The following SERINC5 variants were observed in gnomAD, a reference collection of about 807,000 sequenced individuals.
SERINC5 encodes the protein chromosome 5 open reading frame 12.
SERINC5 carries 41 observed loss-of-function variants against 63.1 expected under a neutral mutation model. The observed-to-expected ratio is 0.65, with a 90% CI of 0.51 to 0.84. The LOEUF (loss-of-function observed/expected upper bound fraction) is 0.84, where lower values mean the gene tolerates loss of function less well. SERINC5 is among the 40% of genes least tolerant of loss of function. The pLI, the probability that SERINC5 is intolerant of heterozygous loss-of-function variation, is 0.00. For missense variants in SERINC5, 523 were observed against 573.0 expected, an observed-to-expected ratio of 0.91 and a Z score of 0.89; for synonymous variants, 222 against 215.2, an observed-to-expected ratio of 1.03 and a Z score of -0.28.
At chr5:80,153,019 G>A (rs1746285837) in intron 8 of SERINC5, among the ~76,000 whole-genome samples, 1 of 152,166 alleles carries the variant, frequency 6.6e-6, no homozygotes, top group Admixed American at 6.5e-5. Flanking sequence ...GGAAAACAAA[G>A]CTCTTGATTT....
chr5:80,225,509 T>G (rs919938973), intron 1 of SERINC5, among the ~76,000 whole-genome samples: 1 of 152,176 alleles, frequency 6.6e-6, no homozygotes, highest in African/African-American at 2.4e-5. Flanking sequence ...ATTCCCAACA[T>G]AGAGACAAAT....
In SERINC5 at chr5:80,139,435, T is replaced by C. The variant is rs1428217143; in HGVS notation, c.*4228A>G. On this transcript the variant is annotated 3_prime_UTR_variant, in exon 12 of 12. Transcript: ENST00000507668. ...TCATGTGAATATGATTAAACTCCTA[T>C]AGAAGTGGATTGGGACATATGCATT... is the stretch of plus-strand genomic sequence containing the variant. 2.0e-6 allele frequency: 2 copies of C among 985,168 alleles called. No individual in the cohort carries two copies. Among genetic ancestry groups the C allele is most frequent in the East Asian group, 1.1e-4 (1 of 8,826 alleles). The allele number at this position is 985,168 out of a possible 1,614,324, so 61.0% of individuals were successfully genotyped here.
At chr5:80,189,973 C>T (rs995855696) in intron 2 of SERINC5, among the ~76,000 whole-genome samples, 3 of 152,042 alleles carry the variant, frequency 2.0e-5, no homozygotes, top group African/African-American at 7.2e-5. Context: ...AGCATCCCCA[C>T]ACTGCTGGGA....
At chr5:80,152,898 C>T (rs549400275) in intron 8 of SERINC5, among the ~76,000 whole-genome samples, 1 of 152,260 alleles carries the variant, frequency 6.6e-6, no homozygotes, top group Admixed American at 6.5e-5. Flanking sequence ...GCTGAGATCA[C>T]GCTACTGTAC....
At chr5:80,216,291 T>C (rs1041954496) in intron 1 of SERINC5, among the ~76,000 whole-genome samples, 19 of 151,746 alleles carry the variant, frequency 1.3e-4, no homozygotes, top group Non-Finnish European at 2.6e-4. Flanking sequence ...CAGTCACAAC[T>C]CCCCCTCTCC....
intron 1 of SERINC5, among the ~76,000 whole-genome samples, chr5:80,250,340 C>G (rs1752352217): frequency 6.6e-6 from 1 of 151,862 alleles, no homozygotes; most frequent in African/African-American, 2.4e-5. Flanking sequence ...GGGGAAACAT[C>G]ATCATTATTA....
Position 80,140,826 on chromosome 5 carries a change from T to C in SERINC5, c.*2837A>G. On this transcript the variant is annotated 3_prime_UTR_variant, in exon 12 of 12. Coordinates refer to ENST00000507668, the MANE Select transcript of SERINC5 (RefSeq NM_001174072.3). ...CAGAGGAAATATTCACATGCAGCTT[T>C]AAAAAAGTCCTCTTCAACTGTCATC... 1 of 985,348 alleles carries C rather than the reference T, an allele frequency of 1.0e-6. No homozygotes were observed. Among genetic ancestry groups the C allele is most frequent in the Non-Finnish European group, 1.2e-6 (1 of 829,934 alleles). The allele number at this position is 985,348 out of a possible 1,614,324, so 61.0% of individuals were successfully genotyped here.
chr5:80,142,478 C>T lies in SERINC5; in HGVS notation c.*1185G>A. 1 of 984,792 alleles carries T rather than the reference C, an allele frequency of 1.0e-6. No individual in the cohort carries two copies. Among genetic ancestry groups the T allele is most frequent in the African/African-American group, 1.7e-5 (1 of 57,322 alleles). 61.0% of individuals were successfully genotyped at this position (984,792 alleles called of 1,614,324 possible). A position where few individuals can be genotyped will look rare whatever the true frequency, so the allele number is the denominator to read the frequency against. ...GCAACTCCTGACCTCAAGTGATCCG[C>T]CTGCCTCTGCGCACCTCTTTTTAAG... is the stretch of plus-strand genomic sequence containing the variant. On this transcript the variant is annotated 3_prime_UTR_variant, in exon 12 of 12. Coordinates refer to ENST00000507668, the MANE Select transcript of SERINC5 (RefSeq NM_001174072.3).
intron 1 of SERINC5, among the ~76,000 whole-genome samples, chr5:80,211,756 C>T (rs971756676): frequency 6.6e-6 from 1 of 152,226 alleles, no homozygotes; most frequent in African/African-American, 2.4e-5. Context: ...GCATGGTCTA[C>T]GTTCTGCATG....
Position 80,157,298 on chromosome 5 carries a change from CA to C in SERINC5, c.986+1537del, listed in dbSNP as rs1746602205. 6 of 149,986 alleles carry C rather than the reference CA, an allele frequency of 4.0e-5. No homozygotes were observed. The South Asian group carries it at 1.3e-3, about 31-fold the overall frequency. 9.3% of individuals were successfully genotyped at this position (149,986 alleles called of 1,614,324 possible). The stretch of plus-strand genomic sequence containing the variant: ...GTGAGCCACCGCGCCTGGCCAAGGG[CA>C]AATATTTTTTTTCATTGGGTACCCA... On this transcript the variant is annotated intron_variant, in intron 8 of 11. Coordinates refer to ENST00000507668, the MANE Select transcript of SERINC5 (RefSeq NM_001174072.3).
chr5:80,185,169 G>A (rs1321424136), intron 2 of SERINC5, among the ~76,000 whole-genome samples: 1 of 152,156 alleles, frequency 6.6e-6, no homozygotes, highest in Non-Finnish European at 1.5e-5. Flanking sequence ...GCCACCGCAT[G>A]CAGGCTGTAT....
At chr5:80,202,239 G>C (rs995237914) in intron 2 of SERINC5, among the ~76,000 whole-genome samples, 1 of 151,404 alleles carries the variant, frequency 6.6e-6, no homozygotes, top group Admixed American at 6.6e-5. Flanking sequence ...ACTCTGTCTC[G>C]AAAAAAAAGA....
intron 1 of SERINC5, among the ~76,000 whole-genome samples, chr5:80,251,295 CAT>C (rs1271778435): frequency 1.4e-4 from 7 of 49,906 alleles, no homozygotes; most frequent in African/African-American, 4.6e-4. Flanking sequence ...TACATGCATA[CAT>C]ACATACATAC....
chr5:80,149,733 G>T (rs1324229110), intron 9 of SERINC5, among the ~76,000 whole-genome samples: 1 of 152,218 alleles, frequency 6.6e-6, no homozygotes, highest in African/African-American at 2.4e-5. Context: ...GCACGTCACT[G>T]GGTTTTTATG....
intron 1 of SERINC5, among the ~76,000 whole-genome samples, chr5:80,228,738 A>G (rs1248037893): frequency 1.3e-5 from 2 of 152,114 alleles, no homozygotes; most frequent in East Asian, 3.9e-4. Flanking sequence ...CAGGACAAAA[A>G]TTTTAAGTTG....
At chr5:80,224,252 G>A (rs1316310216) in intron 1 of SERINC5, among the ~76,000 whole-genome samples, 1 of 152,062 alleles carries the variant, frequency 6.6e-6, no homozygotes, top group Non-Finnish European at 1.5e-5. Flanking sequence ...CTTGAGTCCA[G>A]GAGTTTGAGA....
At chr5:80,173,763 T>C (rs566590068) in intron 5 of SERINC5, among the ~76,000 whole-genome samples, 1 of 152,018 alleles carries the variant, frequency 6.6e-6, no homozygotes, top group Non-Finnish European at 1.5e-5. Context: ...CTCACCTGGA[T>C]TGACTCCCCC....
At chr5:80,193,185 T>C (rs1749304018) in intron 2 of SERINC5, among the ~76,000 whole-genome samples, 6 of 152,216 alleles carry the variant, frequency 3.9e-5, no homozygotes. Flanking sequence ...AGTCACAGAA[T>C]CATCCTATTA....
rs1428804468 is a variant in SERINC5 at position 80,141,563 on chromosome 5, A to G, written c.*2100T>C. The G allele has an allele frequency of 1.0e-6, 1 of 985,362 alleles. No individual in the cohort carries two copies. Among genetic ancestry groups the G allele is most frequent in the Non-Finnish European group, 1.2e-6 (1 of 830,012 alleles). 61.0% of individuals were successfully genotyped at this position (985,362 alleles called of 1,614,324 possible). A position where few individuals can be genotyped will look rare whatever the true frequency, so the allele number is the denominator to read the frequency against. Reference sequence around the variant, plus strand: ...GGAGGAAAACAATGAAACTAGTCACAATACTGCCCAGGCTCTTTACCTGCT... The same window carrying G: ...GGAGGAAAACAATGAAACTAGTCACGATACTGCCCAGGCTCTTTACCTGCT... On this transcript the variant is annotated 3_prime_UTR_variant, in exon 12 of 12. Coordinates refer to ENST00000507668, the MANE Select transcript of SERINC5 (RefSeq NM_001174072.3).
Sources: gnomAD v4.1 joint callset for allele counts (sites outside exome capture counted in the v4.1 genomes callset) on GRCh38, gnomAD v4.1.1 for gene constraint, MANE v1.5 for transcripts, NCBI Gene and HGNC (gene_info 2026-07-23, HGNC 2026-07-21) for gene names.